NPIPB8: variants seen among roughly 807,000 people sequenced by gnomAD.
NPIPB8 encodes nuclear pore complex-interacting protein family member B8.
A neutral mutation model predicts 5.3 loss-of-function variants in NPIPB8; 3 were observed. That is an observed-to-expected ratio of 0.57 (90% CI 0.26 to 1.47). NPIPB8 has a LOEUF of 1.47. Among genes scored for constraint, NPIPB8 ranks in the 40% most tolerant of loss-of-function variants. The probability of loss-of-function intolerance (pLI) is 0.13; values close to 1 mark genes in which losing one functional copy is unlikely to be tolerated. For synonymous variants in NPIPB8, 18 were observed against 23.0 expected (o/e 0.78, Z 0.62); for missense variants, 50 against 50.2 (o/e 1.00, Z 0.01).
Position 28,638,465 on chromosome 16 carries a change from C to T in NPIPB8, c.105C>T (p.Cys35=), listed in dbSNP as rs576484216. ...ATGTAAAGTCAGTGACATGCCCATG[C>T]GAGTACCTGAGGAAGGTGAGTGAGT... ...QQHVKSVTCP[C]EYLRKVINSL... The change falls in exon 2 of 8, where the codon TGC becomes TGT. Residue 35 remains cysteine (C), a synonymous_variant. Transcript: ENST00000683297. 116 of 1,567,718 alleles carry T rather than the reference C, an allele frequency of 7.4e-5. 1 individual carries two copies. The highest frequency in any genetic ancestry group is 2.1e-4 in the Middle Eastern group (1 of 4,652).
chr16:28,642,133 T>C (rs1437744543), intron 2 of NPIPB8, among the ~76,000 whole-genome samples: 2 of 150,962 alleles, frequency 1.3e-5, no homozygotes, highest in Non-Finnish European at 2.9e-5. Flanking sequence ...CAGAGTCTCA[T>C]TCCATTCTGT....
At chr16:28,640,593 G>A (rs1410218405) in intron 2 of NPIPB8, among the ~76,000 whole-genome samples, 1 of 152,118 alleles carries the variant, frequency 6.6e-6, no homozygotes, top group Admixed American at 6.6e-5. Flanking sequence ...ACCGTCATAT[G>A]GTGTCAGCCT....
intron 2 of NPIPB8, chr16:28,644,696 T>C: frequency 8.3e-7 from 1 of 1,206,882 alleles, no homozygotes; most frequent in Non-Finnish European, 1.1e-6. Flanking sequence ...TCCTTTTTAC[T>C]GGGCTGTGTC....
At chr16:28,639,746 C>T (rs2047860882) in intron 2 of NPIPB8, among the ~76,000 whole-genome samples, 2 of 150,388 alleles carry the variant, frequency 1.3e-5, no homozygotes, top group South Asian at 4.2e-4. Context: ...AGCCGCTACA[C>T]CCCGTCCAAG....
intron 2 of NPIPB8, among the ~76,000 whole-genome samples, chr16:28,642,914 G>C (rs1052846035): frequency 6.6e-6 from 1 of 152,184 alleles, no homozygotes; most frequent in African/African-American, 2.4e-5. Context: ...AAATGGTAAA[G>C]GGATTTAAAG....
chr16:28,652,635 A>T (rs1596688231), intron 5 of NPIPB8, among the ~76,000 whole-genome samples: 1 of 101,284 alleles, frequency 9.9e-6, no homozygotes, highest in African/African-American at 4.4e-5. Context: ...CCTGAGATGG[A>T]GCTTTGCTGT....
Position 28,652,589 on chromosome 16 carries a change from C to A in NPIPB8, c.599+225C>A, listed in dbSNP as rs1307060714. ...GGGGAAGAGGAGTTGCTAGTACTGG[C>A]ATTGGTTTTCCTTTCTCTCTTTTTT... On this transcript the variant is annotated intron_variant, in intron 5 of 7. Coordinates refer to ENST00000683297, the MANE Select transcript of NPIPB8 (RefSeq NM_001310136.2). Among the ~76,000 whole-genome samples the A allele has an allele frequency of 6.5e-5, 7 of 107,068 alleles. No homozygotes were observed. The East Asian group carries it at 1.1e-3, about 17-fold the overall frequency. The allele number at this position is 107,068 out of a possible 152,430, so 70.2% of individuals were successfully genotyped here.
chr16:28,645,085 C>A (rs1356060749), intron 2 of NPIPB8, among the ~76,000 whole-genome samples: 3 of 128,698 alleles, frequency 2.3e-5, no homozygotes, highest in African/African-American at 8.6e-5. Flanking sequence ...ATTCTGTCGC[C>A]CAGGCTGGAG....
intron 5 of NPIPB8, among the ~76,000 whole-genome samples, chr16:28,652,903 T>A (rs2151767149): frequency 1.3e-5 from 1 of 79,460 alleles, no homozygotes. Flanking sequence ...CACCCAGGCT[T>A]TTTTTTTTTT....
At chr16:28,638,243 T>C in intron 1 of NPIPB8, 80 bp from the exon 2 acceptor site, 1 of 1,503,080 alleles carries the variant, frequency 6.7e-7, no homozygotes, top group Non-Finnish European at 8.8e-7. Flanking sequence ...GAAGCCCCTA[T>C]GCTCTTGACC....
At chr16:28,652,901 CTTT>C (rs1197252358) in intron 5 of NPIPB8, among the ~76,000 whole-genome samples, 3 of 90,918 alleles carry the variant, frequency 3.3e-5, no homozygotes, top group Admixed American at 1.1e-4. Context: ...CACACCCAGG[CTTT>C]TTTTTTTTTT....
At chr16:28,644,567 G>C in intron 2 of NPIPB8, 2 of 1,475,948 alleles carry the variant, frequency 1.4e-6, no homozygotes, top group Middle Eastern at 2.5e-4. Flanking sequence ...GGACACCTCA[G>C]GGCGCCCTGA....
At chr16:28,651,817 CAG>C (rs1249433971) in intron 3 of NPIPB8, 138 bp from the exon 4 acceptor site, 1 of 27,682 alleles carries the variant, frequency 3.6e-5, no homozygotes, top group Non-Finnish European at 6.0e-5. Flanking sequence ...TTAGTAGAGA[CAG>C]GGTTTCACCA....
At chr16:28,641,073 T>A (rs1596674507) in intron 2 of NPIPB8, among the ~76,000 whole-genome samples, 2 of 152,104 alleles carry the variant, frequency 1.3e-5, no homozygotes, top group Admixed American at 6.5e-5. Context: ...GTGTCGTGCA[T>A]GTATTCTGTG....
In NPIPB8 at chr16:28,651,645, T is replaced by TGTGA. The variant is rs1444110102; in HGVS notation, c.304-311_304-310insTGAG. Among the ~76,000 whole-genome samples the TGTGA allele has an allele frequency of 5.4e-4, 39 of 72,672 alleles. 1 individual carries two copies. Among genetic ancestry groups the TGTGA allele is most frequent in the Middle Eastern group, 5.4e-3 (1 of 186 alleles). The allele number at this position is 72,672 out of a possible 152,430, so 47.7% of individuals were successfully genotyped here. A position where few individuals can be genotyped will look rare whatever the true frequency, so the allele number is the denominator to read the frequency against. On this transcript the variant is annotated intron_variant, in intron 3 of 7. Transcript: ENST00000683297. ...GTGTGTGTGTGTGTGTGTGTGTGTG[T>TGTGA]GAGAGACAGAGTCTCATTCTGTCGC...
Position 28,638,314 on chromosome 16 carries a change from G to A in NPIPB8, c.-38-9G>A, listed in dbSNP as rs202029198. 1.3e-4 allele frequency: 207 copies of A among 1,557,394 alleles called. 2 individuals are homozygous for A. In the African/African-American group the frequency reaches 2.1e-3, roughly 16 times the overall value. ...ATTCAACAAACTTTTTTTCTTAATTGTCTAATAGGTTGGCACTCATCATGA... is the reference window on the plus strand; with the variant it reads ...ATTCAACAAACTTTTTTTCTTAATTATCTAATAGGTTGGCACTCATCATGA... On this transcript the variant is annotated splice_polypyrimidine_tract_variant and intron_variant, in intron 1 of 7. Coordinates refer to ENST00000683297, the MANE Select transcript of NPIPB8 (RefSeq NM_001310136.2).
At position 28,651,284 on chromosome 16, in the gene NPIPB8, A is replaced by ATTTTT. The variant is rs1242473443; in HGVS notation, c.304-651_304-647dup. ...AGGCGTGAGCTACCGCACCTGGGCT[A>ATTTTT]TTTTTTTTTTTTTTTTTTTTTTTTT... is the stretch of plus-strand genomic sequence containing the variant. On this transcript the variant is annotated intron_variant, in intron 3 of 7. Transcript: ENST00000683297. Among the ~76,000 whole-genome samples, 10 of 10,944 alleles carry ATTTTT rather than the reference A, an allele frequency of 9.1e-4. No individual in the cohort carries two copies. In the East Asian group the frequency reaches 0.011, roughly 12 times the overall value. The allele number at this position is 10,944 out of a possible 152,430, so 7.2% of individuals were successfully genotyped here. A position where few individuals can be genotyped will look rare whatever the true frequency, so the allele number is the denominator to read the frequency against.
intron 5 of NPIPB8, among the ~76,000 whole-genome samples, 198 bp downstream of exon 5, chr16:28,652,562 C>T (rs1404078942): frequency 1.3e-4 from 14 of 105,620 alleles, no homozygotes; most frequent in South Asian, 7.5e-4. Flanking sequence ...GTAATTTTTT[C>T]GGGGGAAGAG....
Position 28,642,635 on chromosome 16 carries a change from C to A in NPIPB8, c.120+4155C>A, listed in dbSNP as rs376637872. 5.3e-5 allele frequency among the ~76,000 whole-genome samples: 8 copies of A among 151,234 alleles called. No individual in the cohort carries two copies. In the East Asian group the frequency reaches 1.4e-3, roughly 26 times the overall value. ...AAGTAGGTGGGACTACAGGTGCCCA[C>A]CACCACACCCGGCTAATTTTTATAT... On this transcript the variant is annotated intron_variant, in intron 2 of 7. Transcript: ENST00000683297.
Sources: gnomAD v4.1 joint callset for allele counts (sites outside exome capture counted in the v4.1 genomes callset) on GRCh38, gnomAD v4.1.1 for gene constraint, MANE v1.5 for transcripts, NCBI Gene and HGNC (gene_info 2026-07-23, HGNC 2026-07-21) for gene names.